Variants in MYO3B observed in about 807,000 individuals in gnomAD.
MYO3B encodes the protein myosin IIIB.
MYO3B carries 156 observed loss-of-function variants against 174.6 expected under a neutral mutation model. The ratio of observed to expected loss-of-function variants is 0.89; its 90% CI spans 0.78 to 1.02. The LOEUF (loss-of-function observed/expected upper bound fraction) is 1.02. MYO3B is among the 50% of genes least tolerant of loss of function. MYO3B has a pLI of 0.00. For missense variants in MYO3B, 1,632 were observed against 1,639.4 expected (o/e 1.00, Z 0.08); for synonymous variants, 563 against 569.1 (o/e 0.99, Z 0.15).
At chr2:170,285,599 A>T (rs1391917263) in intron 7 of MYO3B, among the ~76,000 whole-genome samples, 1 of 152,130 alleles carries the variant, frequency 6.6e-6, no homozygotes, top group Non-Finnish European at 1.5e-5. Flanking sequence ...TCCTGACCTT[A>T]GGTAATCCGC....
At chr2:170,338,385 G>C (rs147232607) in intron 8 of MYO3B, among the ~76,000 whole-genome samples, 5 of 151,944 alleles carry the variant, frequency 3.3e-5, no homozygotes, top group Non-Finnish European at 7.4e-5. Flanking sequence ...TTGTCTTTAC[G>C]GTTTTTTATT....
At chr2:170,312,955 T>A (rs147099364) in intron 7 of MYO3B, among the ~76,000 whole-genome samples, 260 of 152,344 alleles carry the variant, frequency 1.7e-3, no homozygotes, top group African/African-American at 5.9e-3. Flanking sequence ...TTATATTTCA[T>A]TTGTGATATA....
At chr2:170,271,881 A>C (rs1244028993) in intron 7 of MYO3B, among the ~76,000 whole-genome samples, 1 of 152,142 alleles carries the variant, frequency 6.6e-6, no homozygotes, top group Admixed American at 6.6e-5. Context: ...ATGTAGTCTC[A>C]GAATTTGAGG....
chr2:170,471,991 A>G (rs1042703831), intron 25 of MYO3B, among the ~76,000 whole-genome samples: 7 of 128,338 alleles, frequency 5.5e-5, no homozygotes, highest in African/African-American at 2.1e-4. Flanking sequence ...AACTCTGTCT[A>G]AAAAAAAAAA....
chr2:170,499,659 A>T lies in MYO3B; in HGVS notation c.3140A>T (p.Tyr1047Phe), dbSNP rs756628320. The T allele has an allele frequency of 1.2e-6, 2 of 1,613,936 alleles. No homozygotes were observed. Among genetic ancestry groups the T allele is most frequent in the East Asian group, 4.5e-5 (2 of 44,896 alleles). The change falls in exon 27 of 35, where the codon TAT becomes TTT. Residue 1047 changes from tyrosine (Y) to phenylalanine (F), a missense_variant. Tyr to Phe is a conservative substitution (Grantham distance 22). Coordinates refer to ENST00000408978, the MANE Select transcript of MYO3B (RefSeq NM_138995.5). ...VLGKTKVFLK[Y>F]YHVEQLNLLL... The stretch of plus-strand genomic sequence containing the variant: ...GTCTCGTTTCAGGTTTTTCTCAAAT[A>T]TTACCATGTTGAGCAATTAAATTTG...
intron 28 of MYO3B, among the ~76,000 whole-genome samples, chr2:170,504,575 T>C (rs1687500124): frequency 6.6e-6 from 1 of 152,242 alleles, no homozygotes; most frequent in Admixed American, 6.5e-5. Flanking sequence ...ATCTGAAATG[T>C]AAATTAATTC....
chr2:170,212,121 T>C (rs1344856862), intron 3 of MYO3B, among the ~76,000 whole-genome samples: 1 of 151,932 alleles, frequency 6.6e-6, no homozygotes, highest in Non-Finnish European at 1.5e-5. Context: ...CGCATACCTG[T>C]AATCCCAGCT....
At chr2:170,414,960 C>T (rs1459974494) in intron 22 of MYO3B, among the ~76,000 whole-genome samples, 2 of 152,142 alleles carry the variant, frequency 1.3e-5, no homozygotes, top group Admixed American at 1.3e-4. Flanking sequence ...TAGAAGTCTT[C>T]TTGTTTTTGT....
chr2:170,582,291 T>C (rs1693202259), intron 32 of MYO3B, among the ~76,000 whole-genome samples: 1 of 152,184 alleles, frequency 6.6e-6, no homozygotes, highest in Non-Finnish European at 1.5e-5. Flanking sequence ...GTGTAACAAG[T>C]GTTGCTTCCC....
At chr2:170,248,696 A>G (rs951749066) in intron 7 of MYO3B, among the ~76,000 whole-genome samples, 1 of 152,158 alleles carries the variant, frequency 6.6e-6, no homozygotes, top group East Asian at 1.9e-4. Flanking sequence ...CTGACACTGT[A>G]TCTTGTACCT....
At chr2:170,580,563 G>A (rs1014637644) in intron 32 of MYO3B, among the ~76,000 whole-genome samples, 1 of 152,150 alleles carries the variant, frequency 6.6e-6, no homozygotes, top group Non-Finnish European at 1.5e-5. Context: ...GCTTGAACCT[G>A]GGAGGCGGAG....
chr2:170,388,310 A>G (rs1233662625), intron 14 of MYO3B, among the ~76,000 whole-genome samples: 2 of 152,194 alleles, frequency 1.3e-5, no homozygotes, highest in South Asian at 2.1e-4. Flanking sequence ...ATGTAGAACA[A>G]TTGTAATAAG....
At chr2:170,187,661 G>A (rs2092483340) in intron 1 of MYO3B, among the ~76,000 whole-genome samples, 1 of 152,066 alleles carries the variant, frequency 6.6e-6, no homozygotes, top group South Asian at 2.1e-4. Flanking sequence ...GTTTTGGTAT[G>A]TAGTGTTTCT....
At chr2:170,328,786 A>C (rs2093888300) in intron 7 of MYO3B, among the ~76,000 whole-genome samples, 1 of 107,946 alleles carries the variant, frequency 9.3e-6, no homozygotes, top group African/African-American at 2.7e-5. Flanking sequence ...GTATTACTGA[A>C]TGGAAAAAAA....
chr2:170,519,789 A>G (rs1688550824), intron 30 of MYO3B: 2 of 341,382 alleles, frequency 5.9e-6, no homozygotes, highest in Admixed American at 4.4e-5. Flanking sequence ...CCTGGCCCAC[A>G]TGGCAAAACC....
chr2:170,228,947 C>A (rs2092983303), intron 6 of MYO3B, among the ~76,000 whole-genome samples: 3 of 123,936 alleles, frequency 2.4e-5, no homozygotes, highest in African/African-American at 3.2e-5. Context: ...TCATCTAGTC[C>A]ATATTCCCTT....
At chr2:170,394,390 T>A (rs1357376791) in intron 16 of MYO3B, among the ~76,000 whole-genome samples, 4 of 152,150 alleles carry the variant, frequency 2.6e-5, no homozygotes, top group Non-Finnish European at 5.9e-5. Flanking sequence ...TAAACAACGT[T>A]GAAAACTGTT....
At position 170,507,451 on chromosome 2, in the gene MYO3B, G is replaced by T. The variant is rs1044991217; in HGVS notation, c.3370+5586G>T. 7.9e-5 allele frequency among the ~76,000 whole-genome samples: 12 copies of T among 152,078 alleles called. No individual in the cohort carries two copies. The East Asian group carries it at 2.3e-3, about 29-fold the overall frequency. The stretch of plus-strand genomic sequence containing the variant: ...GTCTCACTCTGTCACCCAGGCTGGG[G>T]TGCAATGGTGCGTTCTTGGCTCACT... On this transcript the variant is annotated intron_variant, in intron 28 of 34. Coordinates refer to ENST00000408978, the MANE Select transcript of MYO3B (RefSeq NM_138995.5).
chr2:170,543,853 G>T, intron 31 of MYO3B, 39 bp from the exon 32 acceptor site: 1 of 1,540,582 alleles, frequency 6.5e-7, no homozygotes, highest in South Asian at 1.1e-5. Flanking sequence ...TTTCATCAGA[G>T]GATAAGAATA....
Sources: gnomAD v4.1 joint callset for allele counts (sites outside exome capture counted in the v4.1 genomes callset) on GRCh38, gnomAD v4.1.1 for gene constraint, MANE v1.5 for transcripts, NCBI Gene and HGNC (gene_info 2026-07-23, HGNC 2026-07-21) for gene names.